MYH11: variants seen among roughly 807,000 people sequenced by gnomAD.
MYH11 encodes myosin-11.
In MYH11, 80 loss-of-function variants were observed where a neutral mutation model predicts 246.6. The observed-to-expected ratio is 0.32, with a 90% CI of 0.27 to 0.39. The LOEUF (loss-of-function observed/expected upper bound fraction) is 0.39, where lower values mean the gene tolerates loss of function less well. Ranked by LOEUF, MYH11 falls within the 10% of genes least tolerant of loss-of-function variation. The pLI, the probability that MYH11 is intolerant of heterozygous loss-of-function variation, is 1.00. For missense variants in MYH11, 2,158 were observed against 2,546.8 expected (o/e 0.85, Z 3.29); for synonymous variants, 1,071 against 1,015.5 (o/e 1.05, Z -1.04).
In MYH11 at chr16:15,750,095, C is replaced by A. The variant is rs200271771; in HGVS notation, c.2058+43G>T. Reference sequence around the variant, plus strand: ...GGGACGCTGTGACCGCTTGGGACAGCCCTGGCTTCTGGGAGCCCCAGGGTC... The same window carrying A: ...GGGACGCTGTGACCGCTTGGGACAGACCTGGCTTCTGGGAGCCCCAGGGTC... On this transcript the variant is annotated intron_variant, in intron 16 of 40. Coordinates refer to ENST00000300036, the MANE Select transcript of MYH11 (RefSeq NM_002474.3). This position sits in a 1 kb window ranked among gnomAD's most constrained non-coding sequence, Gnocchi z 4.3. 105 of 1,612,460 alleles carry A rather than the reference C, an allele frequency of 6.5e-5. No individual in the cohort carries two copies. In the Middle Eastern group the frequency reaches 1.3e-3, roughly 20 times the overall value.
intron 2 of MYH11, 54 bp from the exon 3 acceptor site, chr16:15,823,465 G>T: frequency 1.2e-6 from 2 of 1,601,044 alleles, no homozygotes; most frequent in Non-Finnish European, 1.7e-6. Flanking sequence ...TAGACAGATT[G>T]CACAGAAGCA....
intron 8 of MYH11, among the ~76,000 whole-genome samples, chr16:15,774,303 G>C (rs977745804): frequency 1.4e-4 from 22 of 152,244 alleles, no homozygotes; most frequent in African/African-American, 5.3e-4. Context: ...AATACAAACG[G>C]CCCCTGGGAA....
chr16:15,749,023 A>G (rs2151262186), intron 16 of MYH11: 1 of 152,630 alleles, frequency 6.6e-6, no homozygotes, highest in African/African-American at 2.4e-5. Flanking sequence ...CAGAAAGAAC[A>G]CAAGGAGCAC....
At chr16:15,729,816 G>A (rs1464077509) in intron 27 of MYH11, among the ~76,000 whole-genome samples, 2 of 151,746 alleles carry the variant, frequency 1.3e-5, no homozygotes, top group East Asian at 3.9e-4. Context: ...CTCCCAAAGT[G>A]CTGGGATTAC....
In MYH11 at chr16:15,745,245, G is replaced by A. The variant is rs200606975; in HGVS notation, c.2412-8C>T. The A allele has an allele frequency of 1.9e-6, 3 of 1,609,246 alleles. No individual in the cohort carries two copies. The highest frequency in any genetic ancestry group is 2.2e-5 in the East Asian group (1 of 44,828). ...TGCCTCTTGGCAAAAGCCCTAGGGA[G>A]GGGGGAAGAGAAGGTGCGGGGGTCA... On this transcript the variant is annotated splice_region_variant and splice_polypyrimidine_tract_variant and intron_variant, in intron 19 of 40. Coordinates refer to ENST00000300036, the MANE Select transcript of MYH11 (RefSeq NM_002474.3).
chr16:15,721,465 T>A lies in MYH11; in HGVS notation c.4535A>T (p.Glu1512Val), dbSNP rs1596721058. 2 of 1,614,204 alleles carry A rather than the reference T, an allele frequency of 1.2e-6. No individual in the cohort carries two copies. The highest frequency in any genetic ancestry group is 3.3e-5 in the Admixed American group (2 of 60,016). Residue 1512 changes from glutamate (E) to valine (V), a missense_variant, in exon 32 of 41, where the codon GAA becomes GTA. Around this residue, in one of 11 missense-constraint regions of MYH11, gnomAD observed 1,013 missense variants for 993.5 expected, o/e 1.02. Coordinates refer to ENST00000300036, the MANE Select transcript of MYH11 (RefSeq NM_002474.3). ...LERTNKMLKA[E>V]MEDLVSSKDD... is the part of the protein sequence containing the mutation. ...CTTGGAGCTGACCAGGTCTTCCATT[T>A]CGGCTTTGAGCATTTTGTTGGTCCG...
At chr16:15,756,165 A>G (rs2041709709) in intron 14 of MYH11, among the ~76,000 whole-genome samples, 176 bp downstream of exon 14, 1 of 152,240 alleles carries the variant, frequency 6.6e-6, no homozygotes, top group Non-Finnish European at 1.5e-5. Context: ...GCTACAGCTG[A>G]TGCCTTACAG....
intron 1 of MYH11, among the ~76,000 whole-genome samples, chr16:15,848,633 C>A (rs1007542169): frequency 6.6e-6 from 1 of 152,076 alleles, no homozygotes; most frequent in African/African-American, 2.4e-5. Context: ...TGGTCTCTGC[C>A]CACCTGATGC....
Position 15,741,736 on chromosome 16 carries a change from C to G in MYH11, c.2652+24G>C, listed in dbSNP as rs1296484148. On this transcript the variant is annotated intron_variant, in intron 21 of 40. Coordinates refer to ENST00000300036, the MANE Select transcript of MYH11 (RefSeq NM_002474.3). ...GGCCAAGTCCTGTTCCCCAGCAACCCCAGCCATGCATCCATACAGGTACCT... is the reference window on the plus strand; with the variant it reads ...GGCCAAGTCCTGTTCCCCAGCAACCGCAGCCATGCATCCATACAGGTACCT... The G allele has an allele frequency of 1.9e-6, 3 of 1,614,140 alleles. 1 individual carries two copies. The highest frequency in any genetic ancestry group is 2.2e-5 in the South Asian group (2 of 91,084).
At chr16:15,710,220 G>T (rs1413428684) in intron 40 of MYH11, among the ~76,000 whole-genome samples, 1 of 152,138 alleles carries the variant, frequency 6.6e-6, no homozygotes, top group East Asian at 1.9e-4. Context: ...TGTCCAGTGT[G>T]TGCTAAAGAA....
rs367605434 is a variant in MYH11, at chr16:15,737,593, C to T, written c.3149G>A (p.Arg1050Gln). 20 of 1,613,492 alleles carry T rather than the reference C, an allele frequency of 1.2e-5. No homozygotes were observed. The highest frequency in any genetic ancestry group is 4.5e-5 in the East Asian group (2 of 44,866). Residue 1050 changes from arginine to glutamine, a missense_variant, in exon 25 of 41, where the codon CGA (arginine) becomes CAA (glutamine). Physicochemically the swap from Arg to Gln is conservative, Grantham distance 43. Coordinates refer to ENST00000300036, the MANE Select transcript of MYH11 (RefSeq NM_002474.3). ...EVRLKKEEKSRQELEKLKRKL... is the reference protein window; with the variant it reads ...EVRLKKEEKSQQELEKLKRKL... ...CCGTTTCAGCTTCTCCAGCTCCTGT[C>T]GGCTCTTCTCTTCCTTCTTTAGCCG... is the stretch of plus-strand genomic sequence containing the variant.
At chr16:15,745,281 C>T in intron 19 of MYH11, 44 bp from the exon 20 acceptor site, 1 of 1,417,962 alleles carries the variant, frequency 7.1e-7, no homozygotes, top group East Asian at 2.3e-5. Flanking sequence ...TGAAGCCACA[C>T]CCTGCTGTCA....
chr16:15,801,850 C>T (rs552963705), intron 3 of MYH11, among the ~76,000 whole-genome samples: 43 of 150,480 alleles, frequency 2.9e-4, no homozygotes, highest in Admixed American at 9.2e-4. Context: ...CAAGGTACTC[C>T]GGAGGCTGAG....
At chr16:15,715,769 C>A (rs920888551) in intron 38 of MYH11, among the ~76,000 whole-genome samples, 1 of 152,148 alleles carries the variant, frequency 6.6e-6, no homozygotes, top group Non-Finnish European at 1.5e-5. Context: ...ACCTCAGCCT[C>A]CCAAGTAGCT....
intron 3 of MYH11, among the ~76,000 whole-genome samples, chr16:15,810,179 GC>G (rs1391504889): frequency 4.6e-5 from 7 of 151,356 alleles, no homozygotes; most frequent in Non-Finnish European, 1.0e-4. Context: ...GATTATAGTC[GC>G]CCACCACCAT....
intron 38 of MYH11, among the ~76,000 whole-genome samples, chr16:15,715,553 A>AAATT (rs1207736922): frequency 6.6e-6 from 1 of 152,204 alleles, no homozygotes; most frequent in Non-Finnish European, 1.5e-5. Context: ...CAGAATAGAT[A>AAATT]AATTCATAGA....
chr16:15,806,541 TAG>T (rs1223367245), intron 3 of MYH11, among the ~76,000 whole-genome samples: 2 of 152,194 alleles, frequency 1.3e-5, no homozygotes, highest in African/African-American at 4.8e-5. Context: ...TGAGTGAATT[TAG>T]ACAGTTATGC....
At chr16:15,768,966 C>G (rs918319983) in intron 9 of MYH11, among the ~76,000 whole-genome samples, 1 of 151,804 alleles carries the variant, frequency 6.6e-6, no homozygotes, top group Non-Finnish European at 1.5e-5. Context: ...TACTGGATAA[C>G]ATGGTGAAGC....
chr16:15,789,182 T>G (rs905263177), intron 4 of MYH11, among the ~76,000 whole-genome samples: 1 of 152,066 alleles, frequency 6.6e-6, no homozygotes, highest in African/African-American at 2.4e-5. Flanking sequence ...GAAAGTCAGG[T>G]CTCTGATTCT....
Sources: allele counts gnomAD v4.1 joint callset (sites outside exome capture counted in the v4.1 genomes callset), GRCh38; gene constraint gnomAD v4.1.1; regional missense constraint gnomAD v4.1.1; non-coding constraint Gnocchi (gnomAD v3.1); transcripts MANE v1.5; gene names NCBI Gene and HGNC (gene_info 2026-07-23, HGNC 2026-07-21).